Variants in MAST4 observed in about 807,000 individuals in gnomAD.
MAST4 encodes microtubule associated serine/threonine kinase family member 4.
Under a neutral mutation model 162.7 loss-of-function variants are expected in MAST4, and 89 were observed. That is an observed-to-expected ratio of 0.55 (90% CI 0.46 to 0.65). MAST4 has a LOEUF of 0.65. MAST4 is among the 30% of genes least tolerant of loss of function. The pLI is 0.00. For missense variants in MAST4, 3,153 were observed against 3,374.0 expected, an observed-to-expected ratio of 0.93 and a Z score of 1.62; for synonymous variants, 1,479 against 1,361.1, an observed-to-expected ratio of 1.09 and a Z score of -1.91.
Position 67,166,923 on chromosome 5 carries a change from G to T in MAST4, c.7744G>T (p.Val2582Leu). 6.2e-7 allele frequency: 1 copy of T among 1,611,676 alleles called. No individual in the cohort carries two copies. The highest frequency in any genetic ancestry group is 1.3e-5 in the African/African-American group (1 of 74,962). Residue 2582 changes from valine (V) to leucine (L), a missense_variant, in exon 29 of 29, where the codon GTG becomes TTG. Val to Leu is a conservative substitution (Grantham distance 32). This residue lies in a region of MAST4 where 1,644 missense variants were observed against 1,495.0 expected (regional missense o/e 1.10). Transcript: ENST00000403625. Reference sequence around the variant, plus strand: ...TAGGAAACAGAACGTGGGCAGAGACGTGACCAAGCCATCCCCAGCCCCAAA... The same window carrying T: ...TAGGAAACAGAACGTGGGCAGAGACTTGACCAAGCCATCCCCAGCCCCAAA... Reference protein sequence around the residue: ...PARKQNVGRDVTKPSPAPNTD... With the variant: ...PARKQNVGRDLTKPSPAPNTD...
intron 1 of MAST4, among the ~76,000 whole-genome samples, chr5:66,686,082 T>G (rs891623391): frequency 6.6e-6 from 1 of 152,170 alleles, no homozygotes; most frequent in Non-Finnish European, 1.5e-5. Flanking sequence ...GGCCACGGAC[T>G]GGTCTGTGGC....
chr5:66,899,187 G>A (rs1762858973), intron 3 of MAST4, among the ~76,000 whole-genome samples: 1 of 152,112 alleles, frequency 6.6e-6, no homozygotes, highest in South Asian at 2.1e-4. Flanking sequence ...GTGGATAAGA[G>A]GTATTTCTGA....
Position 67,131,835 on chromosome 5 carries a change from G to A in MAST4, c.1977G>A (p.Met659Ile). ...CAGGGGGAGACTGTGCTACTTTAAT[G>A]AAAAACATGGGTCCTCTCCCTGTTG... ...YVEGGDCATL[M>I]KNMGPLPVDM... is the part of the protein sequence containing the mutation. The change falls in exon 16 of 29, where the codon ATG becomes ATA. Residue 659 changes from methionine to isoleucine, a missense_variant. Coordinates refer to ENST00000403625, the MANE Select transcript of MAST4 (RefSeq NM_001164664.2). 1 of 1,613,026 alleles carries A rather than the reference G, an allele frequency of 6.2e-7. No homozygotes were observed.
At chr5:66,606,214 ATGTT>A (rs33944396) in intron 1 of MAST4, among the ~76,000 whole-genome samples, 2,216 of 152,302 alleles carry the variant, frequency 0.015, 52 homozygotes, top group African/African-American at 0.051. Flanking sequence ...GTTAAACAGA[ATGTT>A]TGGGGGCAAA....
intron 3 of MAST4, among the ~76,000 whole-genome samples, chr5:66,819,791 T>TC (rs1554055540): frequency 6.7e-6 from 1 of 150,342 alleles, no homozygotes; most frequent in Non-Finnish European, 1.5e-5. Context: ...TTTTTTTTTT[T>TC]CCAACAGGGT....
chr5:66,814,019 T>C (rs575970303), intron 3 of MAST4, among the ~76,000 whole-genome samples: 6 of 152,218 alleles, frequency 3.9e-5, no homozygotes, highest in South Asian at 2.1e-4. Context: ...CACTTTCTGC[T>C]TCACCTGATC....
At chr5:66,668,368 T>C (rs1459213563) in intron 1 of MAST4, among the ~76,000 whole-genome samples, 1 of 152,224 alleles carries the variant, frequency 6.6e-6, no homozygotes, top group East Asian at 1.9e-4. Flanking sequence ...GTAGCAGATA[T>C]GCAAGATGTT....
intron 1 of MAST4, among the ~76,000 whole-genome samples, chr5:66,754,162 A>G (rs1753375919): frequency 6.6e-6 from 1 of 152,186 alleles, no homozygotes. Flanking sequence ...CAAAATAATA[A>G]GAGCTATCTA....
chr5:67,084,499 A>T (rs1217374705), intron 5 of MAST4, among the ~76,000 whole-genome samples: 1 of 152,218 alleles, frequency 6.6e-6, no homozygotes, highest in Non-Finnish European at 1.5e-5. Context: ...ACAAGAACTT[A>T]ATAATTATTA....
chr5:67,080,381 A>G (rs1257754128), intron 5 of MAST4, among the ~76,000 whole-genome samples: 3 of 152,194 alleles, frequency 2.0e-5, no homozygotes, highest in African/African-American at 7.2e-5. Flanking sequence ...TTCGTCCCAG[A>G]ATACCTGAAG....
intron 1 of MAST4, among the ~76,000 whole-genome samples, chr5:66,744,683 AC>A (rs768078191): frequency 2.6e-5 from 4 of 152,140 alleles, no homozygotes; most frequent in Non-Finnish European, 5.9e-5. Context: ...TTTTAAAACA[AC>A]CAGATCTCAG....
chr5:66,830,558 T>A (rs1490952053), intron 3 of MAST4, among the ~76,000 whole-genome samples: 1 of 152,208 alleles, frequency 6.6e-6, no homozygotes, highest in Non-Finnish European at 1.5e-5. Context: ...TATTTTCTCT[T>A]CTGGATGAGA....
intron 3 of MAST4, among the ~76,000 whole-genome samples, chr5:66,843,312 C>T (rs1427116782): frequency 6.6e-6 from 1 of 152,184 alleles, no homozygotes; most frequent in Non-Finnish European, 1.5e-5. Context: ...AAGTCATCCA[C>T]CACTTTTCAT....
chr5:66,712,382 T>A (rs1165984058), intron 1 of MAST4, among the ~76,000 whole-genome samples: 2 of 152,224 alleles, frequency 1.3e-5, no homozygotes, highest in Non-Finnish European at 2.9e-5. Context: ...TGTTCCAGAA[T>A]TACACCCATT....
chr5:66,656,540 A>G (rs1366012444), intron 1 of MAST4, among the ~76,000 whole-genome samples: 2 of 152,164 alleles, frequency 1.3e-5, no homozygotes, highest in Non-Finnish European at 2.9e-5. Context: ...GTAATTGGGC[A>G]AGAGGAAGCA....
intron 5 of MAST4, among the ~76,000 whole-genome samples, chr5:67,065,849 G>T (rs1332901097): frequency 1.3e-5 from 2 of 152,180 alleles, no homozygotes. Context: ...CGTGTAAACT[G>T]CAGGCTTTGA....
intron 5 of MAST4, among the ~76,000 whole-genome samples, chr5:67,085,832 A>G (rs897451280): frequency 6.6e-6 from 1 of 152,174 alleles, no homozygotes; most frequent in Admixed American, 6.5e-5. Context: ...AGCTCTCTTC[A>G]TGAGTCACCT....
chr5:66,826,065 C>T (rs372737770), intron 3 of MAST4, among the ~76,000 whole-genome samples: 7 of 152,060 alleles, frequency 4.6e-5, no homozygotes, highest in Non-Finnish European at 7.4e-5. Flanking sequence ...AAAGGGTAAA[C>T]GTAGCAATTT....
At chr5:66,963,543 T>A (rs868234621) in intron 4 of MAST4, among the ~76,000 whole-genome samples, 1 of 152,222 alleles carries the variant, frequency 6.6e-6, no homozygotes, top group Non-Finnish European at 1.5e-5. Flanking sequence ...ACTTGTTCTG[T>A]ATTTTAGAGC....
Sources: gnomAD v4.1 joint callset for allele counts (sites outside exome capture counted in the v4.1 genomes callset) on GRCh38, gnomAD v4.1.1 for gene constraint, gnomAD v4.1.1 regional missense constraint, MANE v1.5 for transcripts, NCBI Gene and HGNC (gene_info 2026-07-23, HGNC 2026-07-21) for gene names.